RPS6KC1: variants seen among roughly 807,000 people sequenced by gnomAD.
The protein encoded by RPS6KC1 is inactive ribosomal protein S6 kinase delta-1.
In RPS6KC1, 54 loss-of-function variants were observed where a neutral mutation model predicts 103.8. That is an observed-to-expected ratio of 0.52 (90% CI 0.42 to 0.65). The LOEUF (loss-of-function observed/expected upper bound fraction) is 0.65, where lower values mean the gene tolerates loss of function less well. Among genes scored for constraint, RPS6KC1 ranks in the 30% least tolerant of loss-of-function variants. The pLI, the probability that RPS6KC1 is intolerant of heterozygous loss-of-function variation, is 0.00. For missense variants in RPS6KC1, 1,151 were observed against 1,253.8 expected, an observed-to-expected ratio of 0.92 and a Z score of 1.24; for synonymous variants, 439 against 438.7, an observed-to-expected ratio of 1.00 and a Z score of -0.01.
rs74139107 is a variant in RPS6KC1 at position 213,166,921 on chromosome 1, T to C, written c.836-937T>C. Among the ~76,000 whole-genome samples, 978 of 152,338 alleles carry C rather than the reference T, an allele frequency of 6.4e-3. 14 individuals are homozygous for C. Among genetic ancestry groups the C allele is most frequent in the African/African-American group, 0.022 (906 of 41,580 alleles). On this transcript the variant is annotated intron_variant, in intron 6 of 14. Transcript: ENST00000366960. ...CACTGGGATTTCTTTCTATTTTTTCTTTTAAGTCTCGTATATCTGCTTTCT... is the reference window on the plus strand; with the variant it reads ...CACTGGGATTTCTTTCTATTTTTTCCTTTAAGTCTCGTATATCTGCTTTCT...
At chr1:213,656,582 C>G in the RPS6KC1 span, among the ~76,000 whole-genome samples, 3 of 152,104 alleles carry the variant, frequency 2.0e-5, no homozygotes, top group African/African-American at 7.2e-5. Flanking sequence ...AGACTGAAGA[C>G]AAGGGAAAGG....
At chr1:213,638,740 G>A in the RPS6KC1 span, among the ~76,000 whole-genome samples, 1 of 152,066 alleles carries the variant, frequency 6.6e-6, no homozygotes, top group East Asian at 1.9e-4. Context: ...CCAATACCAT[G>A]TGTTTTGAAT....
chr1:213,345,358 C>A, the RPS6KC1 span, among the ~76,000 whole-genome samples: 2 of 152,212 alleles, frequency 1.3e-5, no homozygotes, highest in African/African-American at 4.8e-5. Context: ...TTTCTGATAA[C>A]TCCAACATTT....
At chr1:213,562,665 G>A in the RPS6KC1 span, among the ~76,000 whole-genome samples, 91 of 151,938 alleles carry the variant, frequency 6.0e-4, no homozygotes, top group African/African-American at 2.0e-3. Flanking sequence ...ACTGCGCCTG[G>A]CCAAAGTTCT....
the RPS6KC1 span, among the ~76,000 whole-genome samples, chr1:213,357,601 G>T: frequency 6.6e-6 from 1 of 152,242 alleles, no homozygotes. Flanking sequence ...GGGCTAGAGT[G>T]CAGGCCACTG....
chr1:213,703,644 C>A, the RPS6KC1 span, among the ~76,000 whole-genome samples: 1 of 152,038 alleles, frequency 6.6e-6, no homozygotes, highest in South Asian at 2.1e-4. Flanking sequence ...TTCCTTCAGC[C>A]GTTTAAATAT....
At chr1:213,256,801 A>G (rs2094655213) in intron 12 of RPS6KC1, among the ~76,000 whole-genome samples, 1 of 152,180 alleles carries the variant, frequency 6.6e-6, no homozygotes, top group Non-Finnish European at 1.5e-5. Flanking sequence ...AAAGCAGCAT[A>G]AAGCCTACTT....
the RPS6KC1 span, among the ~76,000 whole-genome samples, chr1:213,393,332 C>T: frequency 6.6e-6 from 1 of 152,196 alleles, no homozygotes; most frequent in Non-Finnish European, 1.5e-5. Flanking sequence ...TTGGTGCTGC[C>T]ATTCCACCAA....
chr1:213,104,690 G>T, intron 4 of RPS6KC1, 121 bp downstream of exon 4: 3 of 483,176 alleles, frequency 6.2e-6, no homozygotes, highest in South Asian at 6.3e-5. Flanking sequence ...GAAATTAATA[G>T]CTCTATAATA....
At chr1:213,560,901 C>G in the RPS6KC1 span, among the ~76,000 whole-genome samples, 1 of 152,196 alleles carries the variant, frequency 6.6e-6, no homozygotes, top group South Asian at 2.1e-4. Context: ...GATGGAGATA[C>G]TAGCTCATCC....
chr1:213,497,859 T>A, the RPS6KC1 span, among the ~76,000 whole-genome samples: 14 of 152,010 alleles, frequency 9.2e-5, no homozygotes, highest in Non-Finnish European at 1.8e-4. Flanking sequence ...GGAATCAGGA[T>A]GAGATATAAC....
At chr1:213,489,298 T>G in the RPS6KC1 span, among the ~76,000 whole-genome samples, 5 of 150,694 alleles carry the variant, frequency 3.3e-5, no homozygotes, top group South Asian at 2.1e-4. Context: ...GTGAAGGAGA[T>G]TCCCAGGGAG....
chr1:213,419,607 G>T, the RPS6KC1 span, among the ~76,000 whole-genome samples: 7 of 152,296 alleles, frequency 4.6e-5, no homozygotes, highest in Non-Finnish European at 7.4e-5. Flanking sequence ...TACTGCCCCC[G>T]TCTGTCTCAG....
chr1:213,169,909 G>C (rs955649341), intron 7 of RPS6KC1, among the ~76,000 whole-genome samples: 1 of 151,610 alleles, frequency 6.6e-6, no homozygotes. Context: ...AGCCTCCCGA[G>C]TAGCTGGGAC....
At chr1:213,568,359 T>C in the RPS6KC1 span, among the ~76,000 whole-genome samples, 1 of 152,226 alleles carries the variant, frequency 6.6e-6, no homozygotes, top group African/African-American at 2.4e-5. Context: ...GAGGCTGGAC[T>C]ATCCTCTGGT....
the RPS6KC1 span, among the ~76,000 whole-genome samples, chr1:213,523,746 A>C: frequency 6.6e-6 from 1 of 152,240 alleles, no homozygotes; most frequent in Non-Finnish European, 1.5e-5. Context: ...GTAAGTGGTA[A>C]GTAAGAAGCT....
the RPS6KC1 span, among the ~76,000 whole-genome samples, chr1:213,705,130 A>G: frequency 6.6e-6 from 1 of 152,202 alleles, no homozygotes; most frequent in Non-Finnish European, 1.5e-5. Flanking sequence ...GGCTATCACC[A>G]ATGTTTGCTC....
chr1:213,562,372 T>G, the RPS6KC1 span, among the ~76,000 whole-genome samples: 1 of 19,352 alleles, frequency 5.2e-5, no homozygotes, highest in African/African-American at 1.2e-4. Context: ...TTTTTTTTTT[T>G]TTTTTTTTTT....
chr1:213,589,940 TGTG>T, the RPS6KC1 span, among the ~76,000 whole-genome samples: 1 of 58,218 alleles, frequency 1.7e-5, no homozygotes, highest in Non-Finnish European at 3.4e-5. Flanking sequence ...AAGGTAGTGG[TGTG>T]TGTGTGTGTG....
Sources: allele counts gnomAD v4.1 joint callset (sites outside exome capture counted in the v4.1 genomes callset), GRCh38; gene constraint gnomAD v4.1.1; transcripts MANE v1.5; gene names NCBI Gene and HGNC (gene_info 2026-07-23, HGNC 2026-07-21).